The following TJP1 variants were observed in gnomAD, a reference collection of about 807,000 sequenced individuals.
TJP1 encodes the protein tight junction protein 1, also known as tight junction protein ZO-1.
A neutral mutation model predicts 194.2 loss-of-function variants in TJP1; 43 were observed. The observed-to-expected ratio is 0.22, with a 90% CI of 0.17 to 0.29. The LOEUF is 0.29. Ranked by LOEUF, TJP1 falls within the 10% of genes least tolerant of loss-of-function variation. TJP1 has a pLI of 1.00. For synonymous variants in TJP1, 801 were observed against 779.0 expected (o/e 1.03, Z -0.47); for missense variants, 1,971 against 2,185.7 (o/e 0.90, Z 1.96).
intron 1 of TJP1, among the ~76,000 whole-genome samples, chr15:29,808,083 C>G (rs1403788393): frequency 6.6e-6 from 1 of 152,084 alleles, no homozygotes; most frequent in Non-Finnish European, 1.5e-5. Flanking sequence ...GCCTGGCCAA[C>G]CTGGTGAAAC....
In TJP1 at chr15:29,718,791, T is replaced by A. The variant is rs777307841; in HGVS notation, c.3351A>T (p.Arg1117Ser). The part of the protein sequence containing the change: ...DNQHSQDLDS[R>S]QHPEESSERG... The stretch of plus-strand genomic sequence containing the variant: ...GTTCTGAGGACTCTTCGGGATGCTG[T>A]CTGGAGTCAAGGTCTTGAGAGTGCT... The change falls in exon 21 of 28, where the codon AGA (arginine) becomes AGT (serine). Residue 1117 changes from arginine to serine, a missense_variant. By Grantham distance (110) the Arg-to-Ser change is moderately radical. Coordinates refer to ENST00000614355, the MANE Select transcript of TJP1 (RefSeq NM_001330239.4). The A allele has an allele frequency of 1.2e-6, 2 of 1,614,156 alleles. No homozygotes were observed. The highest frequency in any genetic ancestry group is 3.3e-5 in the Admixed American group (2 of 60,022).
chr15:29,960,552 C>T (rs1352094070), intron 1 of TJP1, among the ~76,000 whole-genome samples: 1 of 151,146 alleles, frequency 6.6e-6, no homozygotes, highest in Non-Finnish European at 1.5e-5. Context: ...GGGAAGATCA[C>T]CTAAGGCCAG....
chr15:29,803,317 C>T (rs1340056905), intron 1 of TJP1, among the ~76,000 whole-genome samples: 2 of 152,086 alleles, frequency 1.3e-5, no homozygotes, highest in African/African-American at 4.8e-5. Context: ...ACGATGGTAC[C>T]CATACAACCA....
At chr15:29,905,897 AG>A (rs2053792771) in intron 2 of TJP1, among the ~76,000 whole-genome samples, 1 of 152,208 alleles carries the variant, frequency 6.6e-6, no homozygotes, top group Admixed American at 6.5e-5. Context: ...GAGGGTTTCT[AG>A]GGCAGTGAAA....
chr15:29,711,426 C>A (rs570603069), intron 23 of TJP1, among the ~76,000 whole-genome samples: 1 of 152,096 alleles, frequency 6.6e-6, no homozygotes, highest in Non-Finnish European at 1.5e-5. Context: ...AGTGCAGTGG[C>A]GCGATCTCAG....
intron 18 of TJP1, among the ~76,000 whole-genome samples, chr15:29,722,156 T>C (rs990837804): frequency 6.6e-6 from 1 of 152,236 alleles, no homozygotes; most frequent in African/African-American, 2.4e-5. Context: ...AGAAATTTGT[T>C]AAGTAACGAG....
At chr15:29,766,577 G>A (rs1266405674) in intron 4 of TJP1, 35 bp from the exon 5 acceptor site, 2 of 1,514,768 alleles carry the variant, frequency 1.3e-6, no homozygotes, top group African/African-American at 2.8e-5. Flanking sequence ...TAAGTTGACT[G>A]ATTTTCATAT....
At chr15:29,880,524 G>A (rs188942613) in intron 2 of TJP1, among the ~76,000 whole-genome samples, 10 of 152,208 alleles carry the variant, frequency 6.6e-5, no homozygotes, top group Non-Finnish European at 1.2e-4. Flanking sequence ...ACACTACATT[G>A]TTCAGCAGTT....
intron 2 of TJP1, among the ~76,000 whole-genome samples, chr15:29,922,884 T>C (rs914175764): frequency 6.6e-6 from 1 of 152,172 alleles, no homozygotes; most frequent in African/African-American, 2.4e-5. Flanking sequence ...CTTGGCTACA[T>C]AAAAATGTAC....
At chr15:29,867,928 T>C (rs1328003454) in intron 2 of TJP1, among the ~76,000 whole-genome samples, 2 of 151,956 alleles carry the variant, frequency 1.3e-5, no homozygotes, top group African/African-American at 2.4e-5. Context: ...TGGTGGTGCA[T>C]GCCAGTAGTC....
In TJP1 at chr15:29,742,806, C is replaced by G. The variant is rs749404063; in HGVS notation, c.1011-25G>C. The G allele has an allele frequency of 2.1e-5, 32 of 1,560,710 alleles. No individual in the cohort carries two copies. The South Asian group carries it at 3.1e-4, about 15-fold the overall frequency. On this transcript the variant is annotated intron_variant, in intron 8 of 27. Transcript: ENST00000614355. Reference sequence around the variant, plus strand: ...ACTGTGTGTCATTAAAATAAAAAATCAAGAGCATAAGAATGATTCTGGAAA... The same window carrying G: ...ACTGTGTGTCATTAAAATAAAAAATGAAGAGCATAAGAATGATTCTGGAAA...
At chr15:29,919,013 G>A (rs528808030) in intron 2 of TJP1, among the ~76,000 whole-genome samples, 1 of 152,100 alleles carries the variant, frequency 6.6e-6, no homozygotes, top group Non-Finnish European at 1.5e-5. Context: ...ACCATACAAG[G>A]CACATCGTGG....
At chr15:29,919,850 A>G (rs895929733) in intron 2 of TJP1, among the ~76,000 whole-genome samples, 3 of 151,874 alleles carry the variant, frequency 2.0e-5, no homozygotes, top group Non-Finnish European at 4.4e-5. Flanking sequence ...AGCAGCCCCA[A>G]TTACCACATG....
At chr15:29,729,135 T>C (rs938889527) in intron 15 of TJP1, 1 of 152,112 alleles carries the variant, frequency 6.6e-6, no homozygotes, top group Non-Finnish European at 1.5e-5. Flanking sequence ...AGGTGAAATG[T>C]CATCTACAGA....
chr15:29,908,120 CA>C (rs1192799986), intron 2 of TJP1, among the ~76,000 whole-genome samples: 2 of 109,856 alleles, frequency 1.8e-5, no homozygotes, highest in African/African-American at 3.6e-5. Context: ...AGGGAGGAGA[CA>C]GGAGATAAAA....
At chr15:29,942,836 G>A (rs1027040481) in intron 2 of TJP1, among the ~76,000 whole-genome samples, 2 of 152,078 alleles carry the variant, frequency 1.3e-5, no homozygotes, top group African/African-American at 4.8e-5. Flanking sequence ...GCAAGGGAGG[G>A]GACTTGTTCA....
intron 2 of TJP1, among the ~76,000 whole-genome samples, chr15:29,840,885 A>G (rs2051200263): frequency 6.6e-6 from 1 of 152,226 alleles, no homozygotes. Flanking sequence ...GGGTACAGGT[A>G]GGAGAGAGAA....
intron 2 of TJP1, among the ~76,000 whole-genome samples, chr15:29,843,553 A>C (rs1461911779): frequency 2.0e-5 from 3 of 152,228 alleles, no homozygotes; most frequent in African/African-American, 7.2e-5. Context: ...AGATGAAGAA[A>C]GTTATCTTCT....
intron 2 of TJP1, among the ~76,000 whole-genome samples, chr15:29,927,806 G>A (rs921715924): frequency 2.0e-5 from 3 of 152,114 alleles, no homozygotes; most frequent in Non-Finnish European, 2.9e-5. Flanking sequence ...CAAGGCCCCC[G>A]AAAGCCAGGG....
Sources: gnomAD v4.1 joint callset for allele counts (sites outside exome capture counted in the v4.1 genomes callset) on GRCh38, gnomAD v4.1.1 for gene constraint, MANE v1.5 for transcripts, NCBI Gene and HGNC (gene_info 2026-07-23, HGNC 2026-07-21) for gene names.